Variants in UBE2J1 observed in about 807,000 individuals in gnomAD.
UBE2J1 encodes the protein ubiquitin-conjugating enzyme E2 J1.
In UBE2J1, 17 loss-of-function variants were observed where a neutral mutation model predicts 42.1. That is an observed-to-expected ratio of 0.40 (90% CI 0.28 to 0.61). The LOEUF (loss-of-function observed/expected upper bound fraction) is 0.61. Ranked by LOEUF, UBE2J1 falls within the 20% of genes least tolerant of loss-of-function variation. UBE2J1 has a pLI of 0.38. For missense variants in UBE2J1, 291 were observed against 389.4 expected (o/e 0.75, Z 2.13); for synonymous variants, 127 against 137.2 (o/e 0.93, Z 0.52).
chr6:89,338,915 T>C (rs946183445), intron 3 of UBE2J1, among the ~76,000 whole-genome samples: 3 of 152,174 alleles, frequency 2.0e-5, no homozygotes, highest in African/African-American at 7.2e-5. Context: ...TCTGCCCACC[T>C]TGGCCTCCCA....
Position 89,329,783 on chromosome 6 carries a change from C to A in UBE2J1, c.853G>T (p.Gly285Cys). Residue 285 changes from glycine to cysteine, a missense_variant, in exon 8 of 8, where the codon GGT becomes TGT. By Grantham distance (159) the Gly-to-Cys change is radical. Coordinates refer to ENST00000435041, the MANE Select transcript of UBE2J1 (RefSeq NM_016021.3). ...ATGACAATCAGTACAGCTGACCCACCATGATCAGTGTGGTTGTCTCTTGGC... is the reference window on the plus strand; with the variant it reads ...ATGACAATCAGTACAGCTGACCCACAATGATCAGTGTGGTTGTCTCTTGGC... ...HQPRDNHTDH[G>C]GSAVLIVILT... The A allele has an allele frequency of 6.2e-7, 1 of 1,614,058 alleles. No homozygotes were observed. Among genetic ancestry groups the A allele is most frequent in the Non-Finnish European group, 8.5e-7 (1 of 1,179,966 alleles).
intron 1 of UBE2J1, among the ~76,000 whole-genome samples, chr6:89,349,898 C>T (rs1401064485): frequency 2.0e-5 from 3 of 152,158 alleles, no homozygotes; most frequent in African/African-American, 4.8e-5. Context: ...GCTTTATACA[C>T]ATTTCTTCAC....
At chr6:89,347,464 G>A (rs1163863061) in intron 1 of UBE2J1, among the ~76,000 whole-genome samples, 1 of 152,178 alleles carries the variant, frequency 6.6e-6, no homozygotes, top group Admixed American at 6.5e-5. Context: ...AGTTCAACAG[G>A]AGAGAAGAAA....
chr6:89,352,339 C>T (rs887862922), intron 1 of UBE2J1, among the ~76,000 whole-genome samples, 200 bp downstream of exon 1: 1 of 152,178 alleles, frequency 6.6e-6, no homozygotes, highest in Non-Finnish European at 1.5e-5. Flanking sequence ...CGCTGGCCGG[C>T]CGGGGGATTG....
At chr6:89,330,616 A>C (rs920785956) in intron 7 of UBE2J1, among the ~76,000 whole-genome samples, 5 of 152,114 alleles carry the variant, frequency 3.3e-5, no homozygotes, top group African/African-American at 1.2e-4. Flanking sequence ...CAACATAGTG[A>C]GACACTATCT....
At position 89,331,045 on chromosome 6, in the gene UBE2J1, C is replaced by T. The variant is rs575736422; in HGVS notation, c.679-1088G>A. Among the ~76,000 whole-genome samples, 33 of 152,308 alleles carry T rather than the reference C, an allele frequency of 2.2e-4. 1 individual carries two copies. In the South Asian group the frequency reaches 6.2e-3, roughly 29 times the overall value. On this transcript the variant is annotated intron_variant, in intron 7 of 7. Transcript: ENST00000435041. ...ATGCTAAAATATCTGCATTAAAAAG[C>T]AACAGATGGCCTGATGTTATCTGAG...
intron 5 of UBE2J1, among the ~76,000 whole-genome samples, chr6:89,336,844 TG>T (rs1312433435): frequency 6.6e-6 from 1 of 151,618 alleles, no homozygotes; most frequent in Non-Finnish European, 1.5e-5. Flanking sequence ...CAAAAATCTT[TG>T]TTTTTTTTTT....
At chr6:89,339,428 C>A in intron 3 of UBE2J1, among the ~76,000 whole-genome samples, 1 of 82,030 alleles carries the variant, frequency 1.2e-5, no homozygotes, top group African/African-American at 5.3e-5. Context: ...AGACCCTGTC[C>A]CCAAGAAAAG....
chr6:89,333,266 A>G (rs984658665), intron 6 of UBE2J1, 61 bp from the exon 7 acceptor site: 2 of 1,526,274 alleles, frequency 1.3e-6, no homozygotes, highest in East Asian at 2.3e-5. Context: ...AACATACACA[A>G]TCTACAACCT....
intron 1 of UBE2J1, among the ~76,000 whole-genome samples, chr6:89,348,035 T>G (rs1379231031): frequency 6.6e-6 from 1 of 152,188 alleles, no homozygotes; most frequent in Non-Finnish European, 1.5e-5. Flanking sequence ...AATACCACTG[T>G]TAGGAAACAG....
chr6:89,341,468 T>C (rs1158285450), intron 3 of UBE2J1, among the ~76,000 whole-genome samples: 1 of 152,190 alleles, frequency 6.6e-6, no homozygotes, highest in African/African-American at 2.4e-5. Flanking sequence ...CCAGGTATGA[T>C]GGTGACACCT....
In UBE2J1 at chr6:89,343,671, A is replaced by G. The variant is rs765680698; in HGVS notation, c.105+12T>C. On this transcript the variant is annotated intron_variant, in intron 2 of 7. Transcript: ENST00000435041. ...TAAAATCCATATGAAGAACATGGAG[A>G]TAGAAACTAACCTCTAAAGGCTGCG... 6.3e-7 allele frequency: 1 copy of G among 1,580,448 alleles called. No individual in the cohort carries two copies. Among genetic ancestry groups the G allele is most frequent in the African/African-American group, 1.4e-5 (1 of 73,216 alleles).
intron 3 of UBE2J1, among the ~76,000 whole-genome samples, chr6:89,341,363 T>C (rs1197514353): frequency 6.6e-6 from 1 of 152,202 alleles, no homozygotes; most frequent in Non-Finnish European, 1.5e-5. Context: ...GTTTTTGCTT[T>C]TTTCAAGGTT....
chr6:89,335,849 T>A (rs1056607136), intron 5 of UBE2J1, among the ~76,000 whole-genome samples: 1 of 151,362 alleles, frequency 6.6e-6, no homozygotes, highest in African/African-American at 2.4e-5. Flanking sequence ...AAACATAGAA[T>A]TTACAGATAT....
At chr6:89,348,259 T>A (rs1287595808) in intron 1 of UBE2J1, among the ~76,000 whole-genome samples, 1 of 152,224 alleles carries the variant, frequency 6.6e-6, no homozygotes, top group East Asian at 1.9e-4. Context: ...CTCTTGTTCT[T>A]CTTTCTTATA....
intron 1 of UBE2J1, among the ~76,000 whole-genome samples, chr6:89,350,510 A>G (rs1360034290): frequency 1.3e-5 from 2 of 152,188 alleles, no homozygotes; most frequent in African/African-American, 4.8e-5. Flanking sequence ...AGTAAGTCCC[A>G]TATCTTACCT....
intron 3 of UBE2J1, among the ~76,000 whole-genome samples, chr6:89,338,811 GCC>G (rs1562416943): frequency 1.3e-5 from 2 of 151,274 alleles, no homozygotes. Flanking sequence ...AACTACAGGC[GCC>G]TGCCACCAGG....
intron 3 of UBE2J1, among the ~76,000 whole-genome samples, chr6:89,338,943 G>A (rs1395995207): frequency 6.6e-6 from 1 of 152,002 alleles, no homozygotes; most frequent in Admixed American, 6.6e-5. Context: ...GGGATTACAG[G>A]CATGAGCCAC....
rs371295261 is a variant in UBE2J1 at position 89,352,525 on chromosome 6, C to T, written c.31+14G>A. 8.9e-6 allele frequency: 14 copies of T among 1,568,248 alleles called. 1 individual carries two copies. Among genetic ancestry groups the T allele is most frequent in the East Asian group, 2.5e-5 (1 of 39,670 alleles). On this transcript the variant is annotated intron_variant, in intron 1 of 7. Transcript: ENST00000435041. ...ACTCCGCCCTCCTCGCCCAGGGGCCCCAGCCCTGCTCACCCGGACTCTTCA... is the reference window on the plus strand; with the variant it reads ...ACTCCGCCCTCCTCGCCCAGGGGCCTCAGCCCTGCTCACCCGGACTCTTCA...
Sources: allele counts gnomAD v4.1 joint callset (sites outside exome capture counted in the v4.1 genomes callset), GRCh38; gene constraint gnomAD v4.1.1; transcripts MANE v1.5; gene names NCBI Gene and HGNC (gene_info 2026-07-23, HGNC 2026-07-21).